Variants in RARB observed in about 807,000 individuals in gnomAD.
RARB encodes the protein retinoic acid receptor beta, also known as HBV-activated protein.
In RARB, 17 loss-of-function variants were observed where a neutral mutation model predicts 51.9. That is an observed-to-expected ratio of 0.33 (90% CI 0.22 to 0.49). The LOEUF (loss-of-function observed/expected upper bound fraction) is 0.49. RARB is among the 20% of genes least tolerant of loss of function. The pLI is 0.99. For synonymous variants in RARB, 215 were observed against 195.4 expected (o/e 1.10, Z -0.84); for missense variants, 369 against 550.8 (o/e 0.67, Z 3.30).
At chr3:25,217,253 G>A (rs1229866578) in intron 5 of RARB, among the ~76,000 whole-genome samples, 1 of 152,120 alleles carries the variant, frequency 6.6e-6, no homozygotes, top group Non-Finnish European at 1.5e-5. Context: ...AATTTTACCA[G>A]TGTTCAAAAT....
chr3:25,362,509 G>A (rs897990689), intron 5 of RARB, among the ~76,000 whole-genome samples: 7 of 152,276 alleles, frequency 4.6e-5, no homozygotes, highest in African/African-American at 7.2e-5. Context: ...CATTCCAGGC[G>A]CCACAGGGGT....
chr3:24,968,127 T>G lies in RARB; in HGVS notation c.-379-91998T>G, dbSNP rs147510718. On this transcript the variant is annotated intron_variant, in intron 2 of 11. Transcript: ENST00000383772. ...CAGCCAGTTAAAGTATTGTAATTCT[T>G]GAAAATAACCATCTACTTGAGGGCC... is the stretch of plus-strand genomic sequence containing the variant. Among the ~76,000 whole-genome samples the G allele has an allele frequency of 5.9e-3, 898 of 152,246 alleles. 13 individuals are homozygous for G. Among genetic ancestry groups the G allele is most frequent in the Middle Eastern group, 0.024 (7 of 294 alleles).
At chr3:24,932,214 T>G (rs1695455943) in intron 2 of RARB, among the ~76,000 whole-genome samples, 1 of 152,050 alleles carries the variant, frequency 6.6e-6, no homozygotes, top group Non-Finnish European at 1.5e-5. Context: ...GTCCTTGATC[T>G]ATAGGGCAAG....
intron 4 of RARB, among the ~76,000 whole-genome samples, chr3:25,162,444 A>G (rs767637106): frequency 1.3e-4 from 20 of 152,170 alleles, no homozygotes; most frequent in Admixed American, 7.9e-4. Flanking sequence ...TTCAAACAAC[A>G]ACATTCACCA....
chr3:25,187,306 A>C (rs1049142499), intron 5 of RARB, among the ~76,000 whole-genome samples: 6 of 152,056 alleles, frequency 3.9e-5, no homozygotes, highest in Non-Finnish European at 5.9e-5. Flanking sequence ...AGAATGCTAT[A>C]TATTATTTAT....
rs183896612 is a variant in RARB, at chr3:25,263,671, G to A, written c.178+89096G>A. 1.8e-3 allele frequency among the ~76,000 whole-genome samples: 273 copies of A among 152,306 alleles called. 1 individual carries two copies. Among genetic ancestry groups the A allele is most frequent in the Non-Finnish European group, 2.8e-3 (188 of 68,034 alleles). ...CTTTCAAAGCCACCTTGGTCTTTGG[G>A]AAAATCCTTGGTCCTAACCATGAGT... is the stretch of plus-strand genomic sequence containing the variant. On this transcript the variant is annotated intron_variant, in intron 5 of 11. Coordinates refer to the RARB transcript ENST00000383772.
intron 2 of RARB, among the ~76,000 whole-genome samples, chr3:24,904,444 A>T (rs1029376770): frequency 2.1e-4 from 32 of 152,212 alleles, no homozygotes; most frequent in African/African-American, 7.7e-4. Context: ...GAGAAATGCA[A>T]ATCAAAACCA....
intron 2 of RARB, among the ~76,000 whole-genome samples, chr3:24,927,654 A>G (rs938520968): frequency 9.9e-5 from 15 of 152,138 alleles, no homozygotes; most frequent in Admixed American, 7.9e-4. Flanking sequence ...TACCCTCAAC[A>G]CATACTAAGA....
At chr3:25,230,967 C>A (rs1001408099) in intron 5 of RARB, among the ~76,000 whole-genome samples, 1 of 152,062 alleles carries the variant, frequency 6.6e-6, no homozygotes, top group African/African-American at 2.4e-5. Flanking sequence ...TGTTATGCAG[C>A]ACCAGATAAC....
chr3:25,240,615 T>C (rs1237788328), intron 5 of RARB, among the ~76,000 whole-genome samples: 2 of 152,216 alleles, frequency 1.3e-5, no homozygotes, highest in African/African-American at 4.8e-5. Context: ...TTCATTCTAT[T>C]GATGTAATAT....
chr3:24,855,976 T>G (rs1039105549), intron 1 of RARB, among the ~76,000 whole-genome samples: 17 of 152,072 alleles, frequency 1.1e-4, no homozygotes, highest in Non-Finnish European at 1.6e-4. Flanking sequence ...GGTCTCAATC[T>G]CCTGACCTTG....
At chr3:25,418,158 T>G (rs1348375245) in intron 5 of RARB, among the ~76,000 whole-genome samples, 2 of 152,184 alleles carry the variant, frequency 1.3e-5, no homozygotes, top group Non-Finnish European at 2.9e-5. Context: ...CTGGGAAATA[T>G]GGTGTCTATC....
intron 5 of RARB, among the ~76,000 whole-genome samples, chr3:25,262,377 A>G (rs887769942): frequency 2.0e-5 from 3 of 152,178 alleles, no homozygotes; most frequent in Admixed American, 6.6e-5. Context: ...CGTGTCTGCT[A>G]TAACAAATTC....
At chr3:24,869,656 T>A (rs762941930) in intron 2 of RARB, among the ~76,000 whole-genome samples, 4 of 152,154 alleles carry the variant, frequency 2.6e-5, no homozygotes, top group Non-Finnish European at 5.9e-5. Context: ...TGCATAATAC[T>A]TCATCATACA....
At chr3:25,164,115 T>A (rs1481183348) in intron 4 of RARB, among the ~76,000 whole-genome samples, 1 of 152,120 alleles carries the variant, frequency 6.6e-6, no homozygotes, top group African/African-American at 2.4e-5. Flanking sequence ...CCCAGAAGCA[T>A]GAGGATACAG....
intron 1 of RARB, among the ~76,000 whole-genome samples, chr3:25,431,671 G>A (rs1708211939): frequency 1.3e-5 from 2 of 152,100 alleles, no homozygotes; most frequent in Admixed American, 1.3e-4. Flanking sequence ...GTGAAATAAC[G>A]AGTGTGACAA....
chr3:25,210,244 C>G (rs183150500), intron 5 of RARB, among the ~76,000 whole-genome samples: 112 of 152,270 alleles, frequency 7.4e-4, no homozygotes, highest in African/African-American at 2.5e-3. Context: ...GGAGAAAATT[C>G]TCTTCATATC....
chr3:25,110,092 T>C (rs550106128), intron 3 of RARB, among the ~76,000 whole-genome samples: 1 of 152,174 alleles, frequency 6.6e-6, no homozygotes, highest in Non-Finnish European at 1.5e-5. Flanking sequence ...CAGTGTGGTT[T>C]CTCTCTCCTG....
chr3:24,892,236 G>A (rs1703397443), intron 2 of RARB, among the ~76,000 whole-genome samples: 2 of 150,438 alleles, frequency 1.3e-5, no homozygotes, highest in South Asian at 2.1e-4. Context: ...AAAAAAAAAA[G>A]GGATGTAGGT....
Sources: allele counts gnomAD v4.1 joint callset (sites outside exome capture counted in the v4.1 genomes callset), GRCh38; gene constraint gnomAD v4.1.1; transcripts MANE v1.5; gene names NCBI Gene and HGNC (gene_info 2026-07-23, HGNC 2026-07-21).